The following FUNDC2 variants were observed in gnomAD, a reference collection of about 807,000 sequenced individuals.
The protein encoded by FUNDC2 is FUN14 domain-containing protein 2.
In FUNDC2, 4 loss-of-function variants were observed where a neutral mutation model predicts 15.6. The ratio of observed to expected loss-of-function variants is 0.26; its 90% CI spans 0.13 to 0.59. The LOEUF is 0.59. Ranked by LOEUF, FUNDC2 falls within the 20% of genes least tolerant of loss-of-function variation. The pLI, the probability that FUNDC2 is intolerant of heterozygous loss-of-function variation, is 0.90. For missense variants in FUNDC2, 98 were observed against 149.7 expected (o/e 0.65, Z 1.80); for synonymous variants, 44 against 56.9 (o/e 0.77, Z 1.02).
intron 1 of FUNDC2, among the ~76,000 whole-genome samples, chrX:155,030,978 C>T (rs781882003): frequency 3.6e-5 from 4 of 111,504 alleles, no homozygotes; most frequent in South Asian, 3.7e-4. Flanking sequence ...TGAGCCACCA[C>T]GCCCAGCCCC....
chrX:155,027,264 C>A, intron 1 of FUNDC2, 193 bp downstream of exon 1: 3 of 365,012 alleles, frequency 8.2e-6, no homozygotes, highest in Non-Finnish European at 1.3e-5. Flanking sequence ...ACGCGCGTGT[C>A]TGGGGCCTAA....
chrX:155,037,711 T>C, intron 2 of FUNDC2, among the ~76,000 whole-genome samples: 1 of 109,339 alleles, frequency 9.1e-6, no homozygotes, highest in Non-Finnish European at 1.9e-5. Context: ...CTCAAACTCC[T>C]GACCTCAAAT....
rs2073906903 is a variant in FUNDC2, at chrX:155,057,044, CTAGTATGAGAA to C, written c.*2373_*2383del. 1 of 95,441 alleles carries C rather than the reference CTAGTATGAGAA, an allele frequency of 1.0e-5. No individual in the cohort carries two copies. The highest frequency in any genetic ancestry group is 2.2e-5 in the Non-Finnish European group (1 of 44,481). 7.9% of individuals were successfully genotyped at this position (95,441 alleles called of 1,213,427 possible). ...AGTATTGCAGGTTGGCCTCATCCTG[CTAGTATGAGAA>C]CGGCTGTGAGTTCTGCCCACGGTGT... On this transcript the variant is annotated 3_prime_UTR_variant, in exon 5 of 5. Coordinates refer to ENST00000369498, the MANE Select transcript of FUNDC2 (RefSeq NM_023934.4).
rs984538247 is a variant in FUNDC2, at chrX:155,055,509, T to C, written c.*837T>C. 3.5e-6 allele frequency: 1 copy of C among 285,395 alleles called. No homozygotes were observed. The highest frequency in any genetic ancestry group is 6.2e-5 in the Admixed American group (1 of 16,056). 23.5% of individuals were successfully genotyped at this position (285,395 alleles called of 1,213,427 possible). A position where few individuals can be genotyped will look rare whatever the true frequency, so the allele number is the denominator to read the frequency against. On this transcript the variant is annotated 3_prime_UTR_variant, in exon 5 of 5. Coordinates refer to ENST00000369498, the MANE Select transcript of FUNDC2 (RefSeq NM_023934.4). ...AACCGGAATTTTAAAGAAGTAGCTT[T>C]CCAGGGATTCAGAATTAAGAAAGAT...
chrX:155,044,240 AG>A (rs2073855704), intron 2 of FUNDC2, among the ~76,000 whole-genome samples: 1 of 111,800 alleles, frequency 8.9e-6, no homozygotes, highest in Admixed American at 9.5e-5. Flanking sequence ...AATAGATTCT[AG>A]GGGGTGAAAG....
In FUNDC2 at chrX:155,058,080, A is replaced by G. The variant is rs1259891803; in HGVS notation, c.*3408A>G. 1 of 110,812 alleles carries G rather than the reference A, an allele frequency of 9.0e-6. No individual in the cohort carries two copies. The highest frequency in any genetic ancestry group is 3.3e-5 in the African/African-American group (1 of 30,384). 9.1% of individuals were successfully genotyped at this position (110,812 alleles called of 1,213,427 possible). On this transcript the variant is annotated 3_prime_UTR_variant, in exon 5 of 5. Transcript: ENST00000369498. ...CCCAAATGGCCGCTTGTTTGTTGCA[A>G]TCTCCCGCCACTCAGCCTCCAGACA...
chrX:155,053,648 G>C (rs2073885318), intron 4 of FUNDC2, among the ~76,000 whole-genome samples: 1 of 111,116 alleles, frequency 9.0e-6, no homozygotes. Flanking sequence ...GGGCTTACTG[G>C]AGGGTTAGAA....
chrX:155,051,325 A>G (rs2073878964), intron 3 of FUNDC2: 1 of 176,744 alleles, frequency 5.7e-6, no homozygotes, highest in Non-Finnish European at 1.1e-5. Context: ...ACATTGTCAG[A>G]GTCATTCTCT....
intron 2 of FUNDC2, among the ~76,000 whole-genome samples, chrX:155,036,524 C>T (rs782182699): frequency 8.9e-6 from 1 of 112,050 alleles, no homozygotes; most frequent in African/African-American, 3.2e-5. Context: ...TCTTTTGTAG[C>T]TCCAGCTTTT....
rs1324710178 is a variant in FUNDC2 at position 155,054,869 on chromosome X, A to C, written c.*197A>C. On this transcript the variant is annotated 3_prime_UTR_variant, in exon 5 of 5. Coordinates refer to ENST00000369498, the MANE Select transcript of FUNDC2 (RefSeq NM_023934.4). Reference sequence around the variant, plus strand: ...GCTTCATGGTGGCAGAAGAGACAATAGTCCTTAGCTCTCCTCCCAGTACAC... The same window carrying C: ...GCTTCATGGTGGCAGAAGAGACAATCGTCCTTAGCTCTCCTCCCAGTACAC... 2 of 426,715 alleles carry C rather than the reference A, an allele frequency of 4.7e-6. No homozygotes were observed. Among genetic ancestry groups the C allele is most frequent in the Non-Finnish European group, 8.1e-6 (2 of 245,977 alleles). The allele number at this position is 426,715 out of a possible 1,213,427, so 35.2% of individuals were successfully genotyped here.
intron 1 of FUNDC2, among the ~76,000 whole-genome samples, chrX:155,031,405 C>A (rs1351196658): frequency 8.9e-6 from 1 of 112,065 alleles, no homozygotes; most frequent in Non-Finnish European, 1.9e-5. Flanking sequence ...CCTTGGCTCA[C>A]TGCAACCTTC....
At chrX:155,048,601 C>T (rs2124196251) in intron 3 of FUNDC2, among the ~76,000 whole-genome samples, 1 of 112,227 alleles carries the variant, frequency 8.9e-6, no homozygotes, top group East Asian at 2.8e-4. Context: ...TGTTTCTGCT[C>T]ATTCATCTAA....
At chrX:155,030,477 G>T (rs1234610428) in intron 1 of FUNDC2, among the ~76,000 whole-genome samples, 1 of 109,499 alleles carries the variant, frequency 9.1e-6, no homozygotes, top group African/African-American at 3.3e-5. Context: ...GAAGTTTGAA[G>T]TTGCAGTAAT....
chrX:155,029,278 CAAA>C (rs1473437846), intron 1 of FUNDC2, among the ~76,000 whole-genome samples: 1 of 112,040 alleles, frequency 8.9e-6, no homozygotes, highest in Non-Finnish European at 1.9e-5. Flanking sequence ...AGACATGAAA[CAAA>C]GACAAACCAC....
At chrX:155,049,986 GAA>G (rs1557290347) in intron 3 of FUNDC2, 1 of 111,500 alleles carries the variant, frequency 9.0e-6, no homozygotes, top group Non-Finnish European at 1.9e-5. Flanking sequence ...GTTTTTTGTT[GAA>G]GTCTATGAAA....
chrX:155,049,506 A>T (rs1244376857), intron 3 of FUNDC2: 2 of 112,701 alleles, frequency 1.8e-5, no homozygotes, highest in Non-Finnish European at 3.7e-5. Flanking sequence ...AGTAAATCTT[A>T]AATCAGGTAG....
chrX:155,044,259 A>G (rs1381294210), intron 2 of FUNDC2, among the ~76,000 whole-genome samples: 1 of 111,855 alleles, frequency 8.9e-6, no homozygotes, highest in African/African-American at 3.3e-5. Context: ...AAGTGGAGGT[A>G]AGAAGTCCAG....
intron 1 of FUNDC2, among the ~76,000 whole-genome samples, chrX:155,032,280 C>CTTTTT (rs200923469): frequency 9.6e-5 from 6 of 62,741 alleles, no homozygotes; most frequent in Non-Finnish European, 1.2e-4. Flanking sequence ...CTGGTGCCTT[C>CTTTTT]TTTTTTTTTT....
At chrX:155,027,228 G>A in intron 1 of FUNDC2, 157 bp downstream of exon 1, 1 of 552,134 alleles carries the variant, frequency 1.8e-6, no homozygotes. Flanking sequence ...CCCTGGCTCA[G>A]CCGCTCCCAG....
Sources: gnomAD v4.1 joint callset for allele counts (sites outside exome capture counted in the v4.1 genomes callset) on GRCh38, gnomAD v4.1.1 for gene constraint, MANE v1.5 for transcripts, NCBI Gene and HGNC (gene_info 2026-07-23, HGNC 2026-07-21) for gene names.